DOT1L: variants seen among roughly 807,000 people sequenced by gnomAD.
DOT1L encodes DOT1 like histone lysine methyltransferase.
In DOT1L, 33 loss-of-function variants were observed where a neutral mutation model predicts 153.3. The ratio of observed to expected loss-of-function variants is 0.22; its 90% CI spans 0.16 to 0.29. The LOEUF is 0.29. Among genes scored for constraint, DOT1L ranks in the 10% least tolerant of loss-of-function variants. The probability of loss-of-function intolerance (pLI) is 1.00; values close to 1 mark genes in which losing one functional copy is unlikely to be tolerated. For missense variants in DOT1L, 1,847 were observed against 2,119.9 expected (o/e 0.87, Z 2.53); for synonymous variants, 1,135 against 965.1 (o/e 1.18, Z -3.26).
chr19:2,189,854 A>G (rs2022712821), intron 4 of DOT1L, 59 bp downstream of exon 4: 9 of 1,580,964 alleles, frequency 5.7e-6, no homozygotes, highest in Non-Finnish European at 7.8e-6. Flanking sequence ...GGACCCCTCC[A>G]GACCCCTTAT....
At chr19:2,205,761 A>C (rs1022322903) in intron 9 of DOT1L, among the ~76,000 whole-genome samples, 1 of 147,782 alleles carries the variant, frequency 6.8e-6, no homozygotes, top group Non-Finnish European at 1.5e-5. Flanking sequence ...TGGTGTGATC[A>C]TAGCTCCCTG....
rs1049144332 is a variant in DOT1L at position 2,190,454 on chromosome 19, C to A, written c.265-558C>A. Among the ~76,000 whole-genome samples, 1 of 152,068 alleles carries A rather than the reference C, an allele frequency of 6.6e-6. No individual in the cohort carries two copies. Among genetic ancestry groups the A allele is most frequent in the African/African-American group, 2.4e-5 (1 of 41,382 alleles). ...GGGACTGGGCTGGGCTGGGCTGCCC[C>A]ATCAGCCTGCCACCCGGCTCTGGCT... On this transcript the variant is annotated intron_variant, in intron 4 of 27. Coordinates refer to ENST00000398665, the MANE Select transcript of DOT1L (RefSeq NM_032482.3). The surrounding 1 kb of genome is among the most constrained non-coding windows in gnomAD (Gnocchi z 4.8).
Position 2,193,641 on chromosome 19 carries a change from G to C in DOT1L, c.494-48G>C, listed in dbSNP as rs368107617. ...CTCCGAGCCTAGCACGGCCTCCCGG[G>C]TGGCATCTGAGCGCTGTGTGGTATC... On this transcript the variant is annotated intron_variant, in intron 5 of 27. Coordinates refer to ENST00000398665, the MANE Select transcript of DOT1L (RefSeq NM_032482.3). This position sits in a 1 kb window ranked among gnomAD's most constrained non-coding sequence, Gnocchi z 5.9. 4.2e-4 allele frequency: 672 copies of C among 1,585,276 alleles called. 2 individuals are homozygous for C. Among genetic ancestry groups the C allele is most frequent in the South Asian group, 9.8e-4 (88 of 90,156 alleles).
chr19:2,211,123 C>G lies in DOT1L; in HGVS notation c.1376C>G (p.Pro459Arg). Residue 459 changes from proline (P) to arginine (R), a missense_variant, in exon 15 of 28, where the codon CCG (proline) becomes CGG (arginine). Physicochemically the swap from Pro to Arg is moderately radical, Grantham distance 103. This residue lies in a region of DOT1L where 205 missense variants were observed against 203.1 expected (regional missense o/e 1.01). Transcript: ENST00000398665. Reference sequence around the variant, plus strand: ...GATGCCTACAGATCCCCTCACAGCCCGTTCTACCAGCTACCTCCGAGCGTG... The same window carrying G: ...GATGCCTACAGATCCCCTCACAGCCGGTTCTACCAGCTACCTCCGAGCGTG... The part of the protein sequence containing the change: ...PQDAYRSPHS[P>R]FYQLPPSVQR... 1 of 1,613,134 alleles carries G rather than the reference C, an allele frequency of 6.2e-7. No individual in the cohort carries two copies. Among genetic ancestry groups the G allele is most frequent in the South Asian group, 1.1e-5 (1 of 91,052 alleles).
At chr19:2,177,617 G>A (rs1020553994) in intron 1 of DOT1L, among the ~76,000 whole-genome samples, 4 of 152,110 alleles carry the variant, frequency 2.6e-5, no homozygotes, top group Admixed American at 6.6e-5. Flanking sequence ...CGCCCAGCTC[G>A]TGTTGAAGTT....
intron 7 of DOT1L, among the ~76,000 whole-genome samples, chr19:2,198,087 T>C (rs1477488259): frequency 3.3e-5 from 5 of 152,124 alleles, no homozygotes; most frequent in African/African-American, 4.8e-5. Flanking sequence ...TAAACCACGG[T>C]GTTTGCAGGA....
At chr19:2,189,938 G>A in intron 4 of DOT1L, 143 bp downstream of exon 4, 1 of 948,992 alleles carries the variant, frequency 1.1e-6, no homozygotes, top group Non-Finnish European at 1.6e-6. Context: ...GGGACGATGG[G>A]CTGTGGGTGA....
At position 2,190,739 on chromosome 19, in the gene DOT1L, G is replaced by A. The variant is rs1349479022; in HGVS notation, c.265-273G>A. On this transcript the variant is annotated intron_variant, in intron 4 of 27. Transcript: ENST00000398665. The surrounding 1 kb of genome is among the most constrained non-coding windows in gnomAD (Gnocchi z 4.8). ...CTTGGTGGCCTGTGTGGTTTTGGTG[G>A]TCTTGCCAGTGGGGAGAGAGGCCCG... 6.6e-6 allele frequency among the ~76,000 whole-genome samples: 1 copy of A among 152,056 alleles called. No individual in the cohort carries two copies. Among genetic ancestry groups the A allele is most frequent in the Non-Finnish European group, 1.5e-5 (1 of 67,972 alleles).
At chr19:2,173,714 C>G (rs748670314) in intron 1 of DOT1L, among the ~76,000 whole-genome samples, 11 of 152,200 alleles carry the variant, frequency 7.2e-5, no homozygotes, top group Non-Finnish European at 1.6e-4. Flanking sequence ...CCCATAGATG[C>G]TCTGTGTCCT....
intron 5 of DOT1L, among the ~76,000 whole-genome samples, chr19:2,192,307 G>T (rs2022828512): frequency 6.6e-6 from 1 of 152,190 alleles, no homozygotes; most frequent in Non-Finnish European, 1.5e-5. Flanking sequence ...AGGCTGGTCA[G>T]CATAGCAAGA....
At chr19:2,228,252 C>T in intron 27 of DOT1L, 3 of 1,362,188 alleles carry the variant, frequency 2.2e-6, no homozygotes, top group Non-Finnish European at 2.9e-6. Context: ...GCCCGGGATC[C>T]CACAGGCCAG....
At position 2,202,849 on chromosome 19, in the gene DOT1L, C is replaced by A; in HGVS notation, c.787+70C>A. On this transcript the variant is annotated intron_variant, in intron 9 of 27. Transcript: ENST00000398665. ...AGGAAGGGTGGCCAGGAGGTCCCCG[C>A]AGGGTGTCCTGCAGAAGGCAGCTCA... 12 of 1,530,632 alleles carry A rather than the reference C, an allele frequency of 7.8e-6. No individual in the cohort carries two copies. In the South Asian group the frequency reaches 1.1e-4, roughly 14 times the overall value. The allele number at this position is 1,530,632 out of a possible 1,614,324, so 94.8% of individuals were successfully genotyped here. A position where few individuals can be genotyped will look rare whatever the true frequency, so the allele number is the denominator to read the frequency against.
chr19:2,228,943 T>TG (rs2024484496), intron 27 of DOT1L: 1 of 985,248 alleles, frequency 1.0e-6, no homozygotes. Flanking sequence ...CCTGCCTGCC[T>TG]GGGGGCTGAT....
chr19:2,165,087 G>A (rs2019857967), intron 1 of DOT1L, among the ~76,000 whole-genome samples: 1 of 152,238 alleles, frequency 6.6e-6, no homozygotes, highest in East Asian at 1.9e-4. Flanking sequence ...CCCGGGGTGC[G>A]AGTCCCGGCG....
rs1024811738 is a variant in DOT1L, at chr19:2,222,691, G to A, written c.3390+132G>A. 18 of 835,538 alleles carry A rather than the reference G, an allele frequency of 2.2e-5. No homozygotes were observed. In the Middle Eastern group the frequency reaches 2.1e-3, roughly 96 times the overall value. The allele number at this position is 835,538 out of a possible 1,614,324, so 51.8% of individuals were successfully genotyped here. A position where few individuals can be genotyped will look rare whatever the true frequency, so the allele number is the denominator to read the frequency against. On this transcript the variant is annotated intron_variant, in intron 24 of 27. Transcript: ENST00000398665. This position sits in a 1 kb window ranked among gnomAD's most constrained non-coding sequence, Gnocchi z 6.5. Reference sequence around the variant, plus strand: ...CGAGGCGGGTGGATCACAAGATCAGGACATCAAGACCATCCTGGCTAACAC... The same window carrying A: ...CGAGGCGGGTGGATCACAAGATCAGAACATCAAGACCATCCTGGCTAACAC...
intron 14 of DOT1L, 29 bp from the exon 15 acceptor site, chr19:2,211,070 G>T: frequency 6.2e-7 from 1 of 1,603,648 alleles, no homozygotes; most frequent in Non-Finnish European, 8.5e-7. Context: ...GACCCGCCCT[G>T]TGCTGACGCC....
At chr19:2,194,898 G>A (rs1386250681) in intron 7 of DOT1L, among the ~76,000 whole-genome samples, 1 of 152,172 alleles carries the variant, frequency 6.6e-6, no homozygotes, top group African/African-American at 2.4e-5. Flanking sequence ...GTTCTGGGCT[G>A]GCTGCGGCAT....
In DOT1L at chr19:2,230,718, T is replaced by C. The variant is rs534502142; in HGVS notation, c.*926T>C. On this transcript the variant is annotated 3_prime_UTR_variant, in exon 28 of 28. Transcript: ENST00000398665. ...CAGCTTTTATTTTTAGATGGTATAA[T>C]GCACAGTGAAGAGGAAAGAAAAGCG... 1.4e-4 allele frequency: 57 copies of C among 397,802 alleles called. 1 individual carries two copies. The South Asian group carries it at 6.8e-3, about 47-fold the overall frequency. The allele number at this position is 397,802 out of a possible 1,614,324, so 24.6% of individuals were successfully genotyped here. A position where few individuals can be genotyped will look rare whatever the true frequency, so the allele number is the denominator to read the frequency against.
chr19:2,180,807 G>T (rs373453243), intron 2 of DOT1L, 51 bp downstream of exon 2: 3 of 1,604,628 alleles, frequency 1.9e-6, no homozygotes, highest in African/African-American at 2.7e-5. Flanking sequence ...AGCCACTTCC[G>T]TGGACACCCG....
Sources: allele counts gnomAD v4.1 joint callset (sites outside exome capture counted in the v4.1 genomes callset), GRCh38; gene constraint gnomAD v4.1.1; regional missense constraint gnomAD v4.1.1; non-coding constraint Gnocchi (gnomAD v3.1); transcripts MANE v1.5; gene names NCBI Gene and HGNC (gene_info 2026-07-23, HGNC 2026-07-21).